ARHGAP26: variants seen among roughly 807,000 people sequenced by gnomAD.
ARHGAP26 encodes Rho GTPase activating protein 26, also known as rho GTPase-activating protein 26.
ARHGAP26 carries 38 observed loss-of-function variants against 104.8 expected under a neutral mutation model. The ratio of observed to expected loss-of-function variants is 0.36; its 90% CI spans 0.28 to 0.48. The LOEUF (loss-of-function observed/expected upper bound fraction) is 0.48, where lower values mean the gene tolerates loss of function less well. Among genes scored for constraint, ARHGAP26 ranks in the 20% least tolerant of loss-of-function variants. ARHGAP26 has a pLI of 0.99. For missense variants in ARHGAP26, 704 were observed against 947.9 expected (o/e 0.74, Z 3.38); for synonymous variants, 341 against 340.0 (o/e 1.00, Z -0.03).
chr5:143,101,397 C>T (rs1793211808), intron 17 of ARHGAP26, among the ~76,000 whole-genome samples: 1 of 152,180 alleles, frequency 6.6e-6, no homozygotes, highest in East Asian at 1.9e-4. Context: ...TATTTCTGCT[C>T]AGGGAGTGGG....
chr5:143,108,844 G>A (rs1794408211), intron 17 of ARHGAP26, among the ~76,000 whole-genome samples: 1 of 152,250 alleles, frequency 6.6e-6, no homozygotes, highest in South Asian at 2.1e-4. Flanking sequence ...CATGTCCATA[G>A]AAGCTGCAAT....
At chr5:143,033,993 T>C (rs1416501064) in intron 12 of ARHGAP26, among the ~76,000 whole-genome samples, 1 of 152,134 alleles carries the variant, frequency 6.6e-6, no homozygotes, top group Non-Finnish European at 1.5e-5. Context: ...TCCCTGCACA[T>C]GAAAAGATTC....
intron 11 of ARHGAP26, among the ~76,000 whole-genome samples, chr5:142,955,124 A>ACACC (rs1234070600): frequency 6.7e-6 from 1 of 149,034 alleles, no homozygotes; most frequent in African/African-American, 2.5e-5. Flanking sequence ...ACACACACAC[A>ACACC]CCCCCCATCT....
chr5:143,163,697 C>T (rs1032535691), intron 20 of ARHGAP26, among the ~76,000 whole-genome samples: 2 of 151,994 alleles, frequency 1.3e-5, no homozygotes, highest in Non-Finnish European at 2.9e-5. Context: ...GTGATCCATC[C>T]ACCTCGGTCT....
At chr5:143,100,651 A>T (rs1793082928) in intron 17 of ARHGAP26, among the ~76,000 whole-genome samples, 1 of 152,202 alleles carries the variant, frequency 6.6e-6, no homozygotes, top group African/African-American at 2.4e-5. Flanking sequence ...CCAGGTAGTC[A>T]CTGCTTGGCA....
chr5:143,020,731 C>T (rs967290685), intron 12 of ARHGAP26, among the ~76,000 whole-genome samples: 5 of 146,996 alleles, frequency 3.4e-5, no homozygotes, highest in African/African-American at 7.5e-5. Context: ...CTCCCCCTCC[C>T]GGGTTCACGC....
chr5:142,822,239 A>C (rs1766342439), intron 1 of ARHGAP26, among the ~76,000 whole-genome samples: 1 of 151,994 alleles, frequency 6.6e-6, no homozygotes, highest in South Asian at 2.1e-4. Flanking sequence ...GTTTAGTCTT[A>C]ATTTGCTCAG....
intron 13 of ARHGAP26, among the ~76,000 whole-genome samples, chr5:143,037,633 ATT>A (rs1252178134): frequency 6.6e-6 from 1 of 152,232 alleles, no homozygotes; most frequent in Non-Finnish European, 1.5e-5. Flanking sequence ...GAGCAGTGAT[ATT>A]TCAAGATATC....
intron 1 of ARHGAP26, among the ~76,000 whole-genome samples, chr5:142,828,642 C>T (rs1392356936): frequency 6.6e-6 from 1 of 152,132 alleles, no homozygotes; most frequent in African/African-American, 2.4e-5. Context: ...AAGGTTTTGC[C>T]CCCATGAGGC....
intron 11 of ARHGAP26, among the ~76,000 whole-genome samples, chr5:142,951,309 C>G (rs893502151): frequency 2.0e-5 from 3 of 152,262 alleles, no homozygotes; most frequent in Non-Finnish European, 4.4e-5. Flanking sequence ...ATCCGCCCGC[C>G]TCGACCTCCC....
intron 20 of ARHGAP26, among the ~76,000 whole-genome samples, chr5:143,194,574 G>GA (rs879314745): frequency 1.0e-3 from 149 of 143,798 alleles, no homozygotes; most frequent in African/African-American, 1.7e-3. Flanking sequence ...CTCAGATTTG[G>GA]AAAAAAAAAA....
intron 20 of ARHGAP26, among the ~76,000 whole-genome samples, chr5:143,204,856 T>A (rs1279265069): frequency 1.3e-5 from 2 of 152,116 alleles, no homozygotes; most frequent in Non-Finnish European, 2.9e-5. Context: ...TGGTAACCAC[T>A]GACCAAAAGA....
At chr5:142,901,527 G>A (rs985124393) in intron 6 of ARHGAP26, among the ~76,000 whole-genome samples, 3 of 152,168 alleles carry the variant, frequency 2.0e-5, no homozygotes, top group Admixed American at 6.5e-5. Context: ...ATGTACTAGA[G>A]GGAAACTGAG....
At chr5:143,099,089 T>C (rs1025652586) in intron 17 of ARHGAP26, among the ~76,000 whole-genome samples, 16 of 152,216 alleles carry the variant, frequency 1.1e-4, no homozygotes, top group African/African-American at 3.9e-4. Flanking sequence ...ACCTCAACTT[T>C]TGAGATTATC....
At chr5:143,138,029 C>A (rs920989960) in intron 19 of ARHGAP26, among the ~76,000 whole-genome samples, 30 of 152,300 alleles carry the variant, frequency 2.0e-4, no homozygotes, top group African/African-American at 7.2e-4. Flanking sequence ...AGATGTGTGT[C>A]TTATTTGCCA....
Position 143,224,720 on chromosome 5 carries a change from C to T in ARHGAP26, c.*2274C>T, listed in dbSNP as rs1303850189. 2 of 229,062 alleles carry T rather than the reference C, an allele frequency of 8.7e-6. No homozygotes were observed. Among genetic ancestry groups the T allele is most frequent in the Non-Finnish European group, 8.7e-6 (1 of 115,502 alleles). 14.2% of individuals were successfully genotyped at this position (229,062 alleles called of 1,614,324 possible). On this transcript the variant is annotated 3_prime_UTR_variant, in exon 23 of 23. Transcript: ENST00000645722. ...CTTAGAATGTTCAGTTCTCAATGTG[C>T]TGCTGCTTTCCCTTCTCCTAAACAT... is the stretch of plus-strand genomic sequence containing the variant.
intron 18 of ARHGAP26, among the ~76,000 whole-genome samples, chr5:143,123,259 T>C (rs1267626965): frequency 6.6e-6 from 1 of 152,250 alleles, no homozygotes; most frequent in African/African-American, 2.4e-5. Context: ...TCATCCTTCA[T>C]ATTCATAGGG....
intron 1 of ARHGAP26, among the ~76,000 whole-genome samples, chr5:142,814,380 G>T (rs1016526765): frequency 6.6e-6 from 1 of 152,230 alleles, no homozygotes; most frequent in Non-Finnish European, 1.5e-5. Context: ...AGATTCATCG[G>T]TTTCCAATTC....
chr5:142,940,342 CAG>C (rs1300978768), intron 11 of ARHGAP26, among the ~76,000 whole-genome samples: 1 of 151,964 alleles, frequency 6.6e-6, no homozygotes, highest in African/African-American at 2.4e-5. Flanking sequence ...CTTTTAGGTT[CAG>C]GGGTACATGT....
Sources: allele counts gnomAD v4.1 joint callset (sites outside exome capture counted in the v4.1 genomes callset), GRCh38; gene constraint gnomAD v4.1.1; transcripts MANE v1.5; gene names NCBI Gene and HGNC (gene_info 2026-07-23, HGNC 2026-07-21).